PRKCA: variants seen among roughly 807,000 people sequenced by gnomAD.
PRKCA encodes the protein protein kinase C alpha type.
In PRKCA, 27 loss-of-function variants were observed where a neutral mutation model predicts 87.0. That is an observed-to-expected ratio of 0.31 (90% CI 0.23 to 0.43). The LOEUF (loss-of-function observed/expected upper bound fraction) is 0.43. PRKCA is among the 20% of genes least tolerant of loss of function. The pLI, the probability that PRKCA is intolerant of heterozygous loss-of-function variation, is 1.00. For missense variants in PRKCA, 518 were observed against 852.3 expected (o/e 0.61, Z 4.88); for synonymous variants, 329 against 311.1 (o/e 1.06, Z -0.61).
chr17:66,443,373 G>A (rs1039025926), intron 2 of PRKCA, among the ~76,000 whole-genome samples: 7 of 152,210 alleles, frequency 4.6e-5, no homozygotes, highest in Non-Finnish European at 8.8e-5. Flanking sequence ...TTGGAAAGAA[G>A]TGTAGCCTTG....
chr17:66,574,832 T>G (rs1969186689), intron 3 of PRKCA, among the ~76,000 whole-genome samples: 1 of 152,154 alleles, frequency 6.6e-6, no homozygotes, highest in Non-Finnish European at 1.5e-5. Flanking sequence ...TCTGATCCAT[T>G]TATAAATTAG....
chr17:66,733,569 A>G (rs1406993104), intron 9 of PRKCA, among the ~76,000 whole-genome samples: 1 of 152,206 alleles, frequency 6.6e-6, no homozygotes, highest in Non-Finnish European at 1.5e-5. Flanking sequence ...AGGCAGGTGG[A>G]CCACTTGAGG....
chr17:66,319,354 C>T (rs911130216), intron 2 of PRKCA, among the ~76,000 whole-genome samples: 12 of 152,154 alleles, frequency 7.9e-5, no homozygotes, highest in African/African-American at 2.9e-4. Flanking sequence ...TTAATTTTGA[C>T]AGTATCGTTT....
At chr17:66,778,948 C>T (rs898038800) in intron 14 of PRKCA, among the ~76,000 whole-genome samples, 4 of 152,122 alleles carry the variant, frequency 2.6e-5, no homozygotes, top group Non-Finnish European at 4.4e-5. Flanking sequence ...CCACCTCACC[C>T]GCCTCAAACA....
At chr17:66,552,522 G>A (rs1442298281) in intron 3 of PRKCA, among the ~76,000 whole-genome samples, 1 of 152,144 alleles carries the variant, frequency 6.6e-6, no homozygotes, top group Non-Finnish European at 1.5e-5. Context: ...GTGATGGCAG[G>A]ATTCAGTTCC....
chr17:66,684,484 C>A (rs967555055), intron 5 of PRKCA, among the ~76,000 whole-genome samples: 7 of 152,238 alleles, frequency 4.6e-5, no homozygotes, highest in Non-Finnish European at 7.3e-5. Flanking sequence ...GAGTCACACT[C>A]ACACAGGCTG....
At chr17:66,435,919 C>G (rs1200594342) in intron 2 of PRKCA, among the ~76,000 whole-genome samples, 1 of 152,054 alleles carries the variant, frequency 6.6e-6, no homozygotes, top group Non-Finnish European at 1.5e-5. Flanking sequence ...TCTGTTGAAC[C>G]TAGTAGTGAG....
At chr17:66,595,021 G>A (rs973256543) in intron 3 of PRKCA, among the ~76,000 whole-genome samples, 1 of 152,134 alleles carries the variant, frequency 6.6e-6, no homozygotes, top group African/African-American at 2.4e-5. Context: ...AAACAAGGTG[G>A]TTCCTTCCAT....
intron 2 of PRKCA, among the ~76,000 whole-genome samples, chr17:66,472,045 T>A (rs1915348346): frequency 6.6e-6 from 1 of 152,234 alleles, no homozygotes; most frequent in African/African-American, 2.4e-5. Context: ...CACTGCAGCC[T>A]GGAACTCCTG....
chr17:66,725,146 C>T (rs1448383406), intron 8 of PRKCA, among the ~76,000 whole-genome samples: 3 of 152,182 alleles, frequency 2.0e-5, no homozygotes, highest in Non-Finnish European at 4.4e-5. Context: ...GGCAGAGAGC[C>T]CTCCCAGCAC....
At chr17:66,587,864 T>C (rs1969660470) in intron 3 of PRKCA, among the ~76,000 whole-genome samples, 1 of 39,836 alleles carries the variant, frequency 2.5e-5, no homozygotes, top group Admixed American at 2.8e-4. Context: ...CATATATACA[T>C]ATGTATGTGT....
At chr17:66,785,141 G>A (rs943316240) in intron 14 of PRKCA, among the ~76,000 whole-genome samples, 35 of 152,156 alleles carry the variant, frequency 2.3e-4, no homozygotes, top group African/African-American at 8.0e-4. Flanking sequence ...GGGGCTCTCT[G>A]TAGACTTGGC....
chr17:66,707,642 A>T (rs1310255045), intron 8 of PRKCA, among the ~76,000 whole-genome samples: 1 of 152,206 alleles, frequency 6.6e-6, no homozygotes, highest in Non-Finnish European at 1.5e-5. Context: ...TGGATGCTGC[A>T]TCTACTCTGT....
intron 3 of PRKCA, among the ~76,000 whole-genome samples, chr17:66,519,755 C>T (rs925059257): frequency 2.0e-5 from 3 of 152,212 alleles, no homozygotes; most frequent in Non-Finnish European, 4.4e-5. Context: ...AGCAGATATT[C>T]ACACACCACA....
chr17:66,319,113 G>A (rs1050961567), intron 2 of PRKCA, among the ~76,000 whole-genome samples: 1 of 152,092 alleles, frequency 6.6e-6, no homozygotes, highest in African/African-American at 2.4e-5. Flanking sequence ...AAGTGACAGA[G>A]TGAGACCCTG....
chr17:66,768,526 A>T (rs573980965), intron 13 of PRKCA, among the ~76,000 whole-genome samples: 1 of 152,202 alleles, frequency 6.6e-6, no homozygotes, highest in Admixed American at 6.5e-5. Flanking sequence ...ACTACCTGAT[A>T]CTGGGTAATT....
At chr17:66,468,593 A>G (rs1915189418) in intron 2 of PRKCA, among the ~76,000 whole-genome samples, 1 of 151,444 alleles carries the variant, frequency 6.6e-6, no homozygotes, top group Non-Finnish European at 1.5e-5. Context: ...TTCAATAGGA[A>G]GCTGACCTGG....
At chr17:66,425,158 C>G (rs930358198) in intron 2 of PRKCA, among the ~76,000 whole-genome samples, 3 of 152,174 alleles carry the variant, frequency 2.0e-5, no homozygotes, top group African/African-American at 7.2e-5. Context: ...AGAAGCTGCA[C>G]AATTTTTGAG....
In PRKCA at chr17:66,633,795, C is replaced by T. The variant is rs113765319; in HGVS notation, c.289-7560C>T. ...GTGATGTCAGTTCAAATATGAACAT[C>T]CCCATCAAAAAACATCATTGGTTGC... On this transcript the variant is annotated intron_variant, in intron 3 of 16. Transcript: ENST00000413366. 2.0e-5 allele frequency among the ~76,000 whole-genome samples: 3 copies of T among 152,274 alleles called. 1 individual carries two copies. The highest frequency in any genetic ancestry group is 7.2e-5 in the African/African-American group (3 of 41,562).
Sources: allele counts gnomAD v4.1 joint callset (sites outside exome capture counted in the v4.1 genomes callset), GRCh38; gene constraint gnomAD v4.1.1; transcripts MANE v1.5; gene names NCBI Gene and HGNC (gene_info 2026-07-23, HGNC 2026-07-21).